CD38: variants seen among roughly 807,000 people sequenced by gnomAD.
CD38 encodes CD38 molecule.
A neutral mutation model predicts 36.3 loss-of-function variants in CD38; 31 were observed. The ratio of observed to expected loss-of-function variants is 0.85; its 90% confidence interval spans 0.64 to 1.15. CD38 has a LOEUF of 1.15. Ranked by LOEUF, CD38 falls within the 50% of genes most tolerant of loss-of-function variation. The probability of loss-of-function intolerance (pLI) is 0.00; values close to 1 mark genes in which losing one functional copy is unlikely to be tolerated. For synonymous variants in CD38, 131 were observed against 135.2 expected, an observed-to-expected ratio of 0.97 and a Z score of 0.22; for missense variants, 380 against 371.9, an observed-to-expected ratio of 1.02 and a Z score of -0.18.
intron 2 of CD38, among the ~76,000 whole-genome samples, chr4:15,817,475 G>C (rs1723626204): frequency 1.3e-5 from 2 of 152,216 alleles, no homozygotes; most frequent in Non-Finnish European, 2.9e-5. Context: ...GAAGGTGTTT[G>C]GCAAATAATA....
chr4:15,799,167 C>T lies in CD38; in HGVS notation c.234-17344C>T, dbSNP rs188216762. 3.6e-3 allele frequency among the ~76,000 whole-genome samples: 541 copies of T among 152,166 alleles called. 2 individuals are homozygous for T. Among genetic ancestry groups the T allele is most frequent in the South Asian group, 0.018 (86 of 4,830 alleles). On this transcript the variant is annotated intron_variant, in intron 1 of 7. Coordinates refer to ENST00000226279, the MANE Select transcript of CD38 (RefSeq NM_001775.4). ...GCTTTTCATAGTTAGATCTTTGATC[C>T]ACTTGGAATTTATCTTTGTGTGTGG...
At chr4:15,794,054 A>G (rs1338562628) in intron 1 of CD38, among the ~76,000 whole-genome samples, 4 of 152,196 alleles carry the variant, frequency 2.6e-5, no homozygotes, top group African/African-American at 7.2e-5. Flanking sequence ...AAAATATTAA[A>G]TGGAATATTC....
intron 1 of CD38, among the ~76,000 whole-genome samples, chr4:15,812,930 T>C (rs1723503067): frequency 1.3e-5 from 2 of 152,220 alleles, no homozygotes; most frequent in African/African-American, 2.4e-5. Context: ...ATATTTTTCA[T>C]TGATAGTATA....
intron 1 of CD38, among the ~76,000 whole-genome samples, chr4:15,813,957 T>C (rs904102495): frequency 6.6e-5 from 10 of 152,258 alleles, no homozygotes; most frequent in African/African-American, 2.4e-4. Context: ...CCTTTGGGTA[T>C]ATACCCAGTA....
chr4:15,842,280 G>T (rs1421364010), intron 7 of CD38, among the ~76,000 whole-genome samples: 15 of 135,940 alleles, frequency 1.1e-4, no homozygotes, highest in Non-Finnish European at 1.5e-5. Context: ...TAACTGGGAG[G>T]CACCCCCCAG....
At chr4:15,838,835 G>C (rs1288053652) in intron 5 of CD38, among the ~76,000 whole-genome samples, 1 of 152,156 alleles carries the variant, frequency 6.6e-6, no homozygotes, top group Non-Finnish European at 1.5e-5. Flanking sequence ...TGAGACAACA[G>C]ATGAAAAATG....
intron 1 of CD38, among the ~76,000 whole-genome samples, chr4:15,801,161 TG>T (rs1723214811): frequency 6.6e-6 from 1 of 152,010 alleles, no homozygotes; most frequent in South Asian, 2.1e-4. Flanking sequence ...ACCAATAAAT[TG>T]GAAAGCCCAG....
At chr4:15,848,451 GCTAAAAAAGGGGCTTC>G (rs1724311814) in intron 7 of CD38, 72 bp from the exon 8 acceptor site, 1 of 906,756 alleles carries the variant, frequency 1.1e-6, no homozygotes, top group Non-Finnish European at 1.8e-6. Context: ...CCTTGTCGTC[GCTAAAAAAGGGGCTTC>G]CTCCATTAGC....
chr4:15,796,231 T>A (rs1723101825), intron 1 of CD38, among the ~76,000 whole-genome samples: 1 of 152,156 alleles, frequency 6.6e-6, no homozygotes, highest in Non-Finnish European at 1.5e-5. Context: ...GTCCTGCTTT[T>A]ATGTGTTAAT....
chr4:15,787,749 A>C (rs552482766), intron 1 of CD38, among the ~76,000 whole-genome samples: 2 of 152,332 alleles, frequency 1.3e-5, no homozygotes, highest in East Asian at 3.9e-4. Context: ...ACAGGTACGC[A>C]GTGAAAGAGC....
At chr4:15,815,378 T>C (rs1241528710) in intron 1 of CD38, among the ~76,000 whole-genome samples, 1 of 152,198 alleles carries the variant, frequency 6.6e-6, no homozygotes, top group Non-Finnish European at 1.5e-5. Flanking sequence ...ATTTTCACAA[T>C]ATTTATTCTT....
At chr4:15,780,556 AC>A (rs1722675237) in intron 1 of CD38, among the ~76,000 whole-genome samples, 1 of 149,666 alleles carries the variant, frequency 6.7e-6, no homozygotes, top group Non-Finnish European at 1.5e-5. Flanking sequence ...ACACACACAC[AC>A]ACACACACAC....
intron 1 of CD38, among the ~76,000 whole-genome samples, chr4:15,802,798 G>C (rs1723258376): frequency 6.6e-6 from 1 of 152,090 alleles, no homozygotes; most frequent in African/African-American, 2.4e-5. Flanking sequence ...ACCTGCCTCA[G>C]CCTCCCAAAG....
chr4:15,840,373 G>T, intron 6 of CD38, 79 bp from the exon 7 acceptor site: 2 of 938,244 alleles, frequency 2.1e-6, no homozygotes, highest in South Asian at 2.9e-5. Context: ...CCTTGTCCAG[G>T]GCGTGCTACA....
intron 2 of CD38, among the ~76,000 whole-genome samples, chr4:15,820,201 A>G (rs1319715217): frequency 6.6e-6 from 1 of 152,230 alleles, no homozygotes; most frequent in Admixed American, 6.5e-5. Flanking sequence ...GAAGCACTAA[A>G]TATGGAAAGG....
intron 1 of CD38, among the ~76,000 whole-genome samples, chr4:15,811,146 C>A (rs947396942): frequency 6.6e-6 from 1 of 152,104 alleles, no homozygotes; most frequent in East Asian, 1.9e-4. Flanking sequence ...ATTATAAGAG[C>A]TCTTTACTAC....
intron 1 of CD38, among the ~76,000 whole-genome samples, chr4:15,786,677 C>A (rs1249421718): frequency 2.0e-5 from 3 of 152,228 alleles, no homozygotes; most frequent in Non-Finnish European, 2.9e-5. Context: ...TTCACCTAGC[C>A]GATTGTGCAC....
intron 1 of CD38, among the ~76,000 whole-genome samples, chr4:15,784,710 G>C (rs1026743513): frequency 1.2e-4 from 18 of 152,118 alleles, no homozygotes; most frequent in African/African-American, 3.9e-4. Context: ...TTAATGCTTA[G>C]TGTTATGATT....
chr4:15,805,995 T>C (rs1375478349), intron 1 of CD38, among the ~76,000 whole-genome samples: 12 of 152,170 alleles, frequency 7.9e-5, no homozygotes, highest in Admixed American at 7.9e-4. Context: ...GGGTGAGAGT[T>C]TTCCTGGAGA....
Sources: allele counts gnomAD v4.1 joint callset (sites outside exome capture counted in the v4.1 genomes callset), GRCh38; gene constraint gnomAD v4.1.1; transcripts MANE v1.5; gene names NCBI Gene and HGNC (gene_info 2026-07-23, HGNC 2026-07-21).